Variants in MYO3B observed in about 807,000 individuals in gnomAD.
MYO3B encodes myosin IIIB, also known as myosin-IIIb.
MYO3B carries 156 observed loss-of-function variants against 174.6 expected under a neutral mutation model. The ratio of observed to expected loss-of-function variants is 0.89; its 90% CI spans 0.78 to 1.02. The LOEUF (loss-of-function observed/expected upper bound fraction) is 1.02, where lower values mean the gene tolerates loss of function less well. Among genes scored for constraint, MYO3B ranks in the 50% least tolerant of loss-of-function variants. The pLI, the probability that MYO3B is intolerant of heterozygous loss-of-function variation, is 0.00. For synonymous variants in MYO3B, 563 were observed against 569.1 expected, an observed-to-expected ratio of 0.99 and a Z score of 0.15; for missense variants, 1,632 against 1,639.4, an observed-to-expected ratio of 1.00 and a Z score of 0.08.
At chr2:170,459,993 G>A (rs1370051857) in intron 23 of MYO3B, among the ~76,000 whole-genome samples, 1 of 152,082 alleles carries the variant, frequency 6.6e-6, no homozygotes, top group East Asian at 1.9e-4. Flanking sequence ...CTGGTTCCCA[G>A]CCCGTACCTC....
intron 1 of MYO3B, among the ~76,000 whole-genome samples, chr2:170,191,941 C>G (rs2092545429): frequency 6.6e-6 from 1 of 152,126 alleles, no homozygotes; most frequent in Non-Finnish European, 1.5e-5. Context: ...CTCCTATTGG[C>G]TGATTTTTAA....
At chr2:170,312,887 G>A (rs1020539931) in intron 7 of MYO3B, among the ~76,000 whole-genome samples, 1 of 152,194 alleles carries the variant, frequency 6.6e-6, no homozygotes, top group African/African-American at 2.4e-5. Flanking sequence ...CTTCTATGGA[G>A]TGCTGATTTT....
chr2:170,522,730 AC>A (rs950143709), intron 30 of MYO3B, among the ~76,000 whole-genome samples: 1 of 152,042 alleles, frequency 6.6e-6, no homozygotes, highest in African/African-American at 2.4e-5. Flanking sequence ...CTACCGGTGC[AC>A]CTTCCTCTCT....
intron 14 of MYO3B, among the ~76,000 whole-genome samples, chr2:170,388,040 A>G (rs1213180416): frequency 6.6e-6 from 1 of 151,790 alleles, no homozygotes; most frequent in Non-Finnish European, 1.5e-5. Flanking sequence ...CTCTTCATAT[A>G]ATAATAATAG....
chr2:170,220,214 T>G (rs537343703), intron 6 of MYO3B, among the ~76,000 whole-genome samples: 1 of 147,500 alleles, frequency 6.8e-6, no homozygotes. Flanking sequence ...GCCGAGATTG[T>G]GCCACTGCAC....
intron 7 of MYO3B, among the ~76,000 whole-genome samples, chr2:170,329,306 A>T (rs2093894201): frequency 6.6e-6 from 1 of 151,950 alleles, no homozygotes; most frequent in Non-Finnish European, 1.5e-5. Flanking sequence ...TCATGTAATA[A>T]AAGGTCTAAA....
intron 32 of MYO3B, among the ~76,000 whole-genome samples, chr2:170,633,209 G>A (rs1697168708): frequency 6.6e-6 from 1 of 152,196 alleles, no homozygotes; most frequent in Admixed American, 6.6e-5. Context: ...GAACATCGAT[G>A]CAGAAATCCT....
At chr2:170,326,532 G>C (rs911443543) in intron 7 of MYO3B, among the ~76,000 whole-genome samples, 30 of 149,816 alleles carry the variant, frequency 2.0e-4, no homozygotes, top group Non-Finnish European at 4.0e-4. Context: ...ATGGATGTCA[G>C]TAAATGACCA....
chr2:170,199,722 G>A (rs112596918), intron 2 of MYO3B, among the ~76,000 whole-genome samples: 3,869 of 152,204 alleles, frequency 0.025, 77 homozygotes, highest in Non-Finnish European at 0.037. Context: ...ATCATCTTAC[G>A]CTGACATCTT....
intron 32 of MYO3B, among the ~76,000 whole-genome samples, chr2:170,635,241 A>C (rs1044550888): frequency 6.6e-6 from 1 of 152,258 alleles, no homozygotes; most frequent in Non-Finnish European, 1.5e-5. Context: ...GACTGGATTA[A>C]GAAAATGTGG....
intron 7 of MYO3B, among the ~76,000 whole-genome samples, chr2:170,288,802 A>G (rs1177609432): frequency 1.3e-5 from 2 of 152,018 alleles, no homozygotes; most frequent in African/African-American, 4.8e-5. Flanking sequence ...TCCATTCCTT[A>G]GAGGAAAAGC....
intron 7 of MYO3B, among the ~76,000 whole-genome samples, chr2:170,283,601 C>G (rs1377368633): frequency 1.3e-5 from 2 of 152,052 alleles, no homozygotes; most frequent in African/African-American, 4.8e-5. Flanking sequence ...TCTTTTGGTC[C>G]TTTGTAAACC....
chr2:170,602,272 C>G lies in MYO3B; in HGVS notation c.3734-49356C>G, dbSNP rs1387448904. 3 of 768,328 alleles carry G rather than the reference C, an allele frequency of 3.9e-6. No individual in the cohort carries two copies. The Admixed American group carries it at 5.3e-5, about 14-fold the overall frequency. The allele number at this position is 768,328 out of a possible 1,614,324, so 47.6% of individuals were successfully genotyped here. A position where few individuals can be genotyped will look rare whatever the true frequency, so the allele number is the denominator to read the frequency against. On this transcript the variant is annotated intron_variant, in intron 32 of 34. Transcript: ENST00000408978. ...AGCGAGGCACACAGTCACCCAGTGCCCGTCCGGCTCTCACTTGCCCCGGCA... is the reference window on the plus strand; with the variant it reads ...AGCGAGGCACACAGTCACCCAGTGCGCGTCCGGCTCTCACTTGCCCCGGCA...
At chr2:170,342,164 C>A (rs1230650961) in intron 8 of MYO3B, 3 of 152,124 alleles carry the variant, frequency 2.0e-5, no homozygotes, top group Admixed American at 6.5e-5. Flanking sequence ...TTGTGAGAAA[C>A]CAGATCTGTG....
chr2:170,442,831 C>T (rs1159570551), intron 22 of MYO3B, among the ~76,000 whole-genome samples: 1 of 152,188 alleles, frequency 6.6e-6, no homozygotes, highest in Non-Finnish European at 1.5e-5. Flanking sequence ...AGGACATGAA[C>T]TCATCCTTTT....
chr2:170,606,785 C>T (rs1694833795), intron 32 of MYO3B, among the ~76,000 whole-genome samples: 1 of 152,138 alleles, frequency 6.6e-6, no homozygotes, highest in African/African-American at 2.4e-5. Flanking sequence ...CTTTAGGAGG[C>T]CGAGGAGGGC....
chr2:170,372,574 G>A (rs569402345), intron 9 of MYO3B, among the ~76,000 whole-genome samples: 195 of 152,264 alleles, frequency 1.3e-3, no homozygotes, highest in Non-Finnish European at 2.2e-3. Context: ...TGAACAGAGG[G>A]ACTACAAAGG....
intron 32 of MYO3B, among the ~76,000 whole-genome samples, chr2:170,564,557 TTCTG>T (rs1031321793): frequency 6.6e-6 from 1 of 152,210 alleles, no homozygotes; most frequent in African/African-American, 2.4e-5. Context: ...ATGAAGTTAT[TTCTG>T]GTATTCCAGA....
chr2:170,445,568 C>T (rs1324479415), intron 23 of MYO3B, among the ~76,000 whole-genome samples: 2 of 152,120 alleles, frequency 1.3e-5, no homozygotes, highest in South Asian at 2.1e-4. Context: ...CTCCAACTCC[C>T]GACCTCAGGT....
Sources: gnomAD v4.1 joint callset for allele counts (sites outside exome capture counted in the v4.1 genomes callset) on GRCh38, gnomAD v4.1.1 for gene constraint, MANE v1.5 for transcripts, NCBI Gene and HGNC (gene_info 2026-07-23, HGNC 2026-07-21) for gene names.